Variants in NFYA observed in about 807,000 individuals in gnomAD.
The protein encoded by NFYA is CAAT-box DNA binding protein subunit A.
NFYA carries 28 observed loss-of-function variants against 52.8 expected under a neutral mutation model. The observed-to-expected ratio is 0.53, with a 90% CI of 0.39 to 0.73. The LOEUF is 0.73. Among genes scored for constraint, NFYA ranks in the 30% least tolerant of loss-of-function variants. The pLI is 0.00. For synonymous variants in NFYA, 150 were observed against 150.7 expected, an observed-to-expected ratio of 1.00 and a Z score of 0.03; for missense variants, 234 against 427.0, an observed-to-expected ratio of 0.55 and a Z score of 3.98.
chr6:41,101,469 C>T lies in NFYA; in HGVS notation c.*4059C>T, dbSNP rs911396757. On this transcript the variant is annotated 3_prime_UTR_variant, in exon 10 of 10. Coordinates refer to ENST00000341376, the MANE Select transcript of NFYA (RefSeq NM_002505.5). Reference sequence around the variant, plus strand: ...AGGACCACGCCCCGGGCTTTGAACCCGTTTTTCCCAACCCCGAGCATTTTC... The same window carrying T: ...AGGACCACGCCCCGGGCTTTGAACCTGTTTTTCCCAACCCCGAGCATTTTC... Among the ~76,000 whole-genome samples, 3 of 152,304 alleles carry T rather than the reference C, an allele frequency of 2.0e-5. No homozygotes were observed. The South Asian group carries it at 6.2e-4, about 32-fold the overall frequency.
intron 7 of NFYA, 69 bp from the exon 8 acceptor site, chr6:41,092,843 G>C (rs1413485614): frequency 1.3e-6 from 2 of 1,496,042 alleles, no homozygotes; most frequent in African/African-American, 1.4e-5. Flanking sequence ...TGGATGAAGA[G>C]GAACCAAGAA....
rs1192620353 is a variant in NFYA at position 41,101,152 on chromosome 6, G to A, written c.*3742G>A. The A allele has an allele frequency of 6.6e-6, 1 of 152,256 alleles. No individual in the cohort carries two copies. The highest frequency in any genetic ancestry group is 1.5e-5 in the Non-Finnish European group (1 of 68,060). The allele number at this position is 152,256 out of a possible 1,614,324, so 9.4% of individuals were successfully genotyped here. A position where few individuals can be genotyped will look rare whatever the true frequency, so the allele number is the denominator to read the frequency against. ...GAACCCGAGCTCGCCACGGCCCAGG[G>A]CGTCCTCCTAGGCGTCCATGTGACG... On this transcript the variant is annotated 3_prime_UTR_variant, in exon 10 of 10. Coordinates refer to ENST00000341376, the MANE Select transcript of NFYA (RefSeq NM_002505.5).
chr6:41,088,639 AG>A (rs1391260188), intron 4 of NFYA, among the ~76,000 whole-genome samples: 1 of 151,694 alleles, frequency 6.6e-6, no homozygotes, highest in Non-Finnish European at 1.5e-5. Flanking sequence ...GCTGGAATGC[AG>A]TGGTGCGGAT....
At chr6:41,083,040 G>A (rs1763950369) in intron 3 of NFYA, among the ~76,000 whole-genome samples, 1 of 152,188 alleles carries the variant, frequency 6.6e-6, no homozygotes, top group Admixed American at 6.5e-5. Context: ...CTTTCATTAA[G>A]TGTGAATATT....
intron 1 of NFYA, among the ~76,000 whole-genome samples, chr6:41,076,621 T>C (rs1466932141): frequency 6.6e-6 from 1 of 152,324 alleles, no homozygotes; most frequent in East Asian, 1.9e-4. Flanking sequence ...GAGAAGAGAA[T>C]GCACTAGGAA....
chr6:41,087,701 T>C (rs1764084501), intron 4 of NFYA, among the ~76,000 whole-genome samples: 1 of 151,676 alleles, frequency 6.6e-6, no homozygotes, highest in South Asian at 2.1e-4. Flanking sequence ...TCCTCACTGC[T>C]TTCTCTTTTG....
At chr6:41,090,599 G>T (rs1326206857) in intron 6 of NFYA, among the ~76,000 whole-genome samples, 1 of 152,150 alleles carries the variant, frequency 6.6e-6, no homozygotes, top group Non-Finnish European at 1.5e-5. Context: ...GAGTTCATTG[G>T]TAAAGAGAGA....
chr6:41,079,357 T>G (rs977235392), intron 2 of NFYA, among the ~76,000 whole-genome samples, 193 bp downstream of exon 2: 5 of 152,226 alleles, frequency 3.3e-5, no homozygotes, highest in Admixed American at 6.5e-5. Context: ...GGGTGCCTGG[T>G]TATAGTAAAT....
chr6:41,080,800 C>T lies in NFYA; in HGVS notation c.76-11C>T. 6.2e-7 allele frequency: 1 copy of T among 1,610,062 alleles called. No individual in the cohort carries two copies. The highest frequency in any genetic ancestry group is 8.5e-7 in the Non-Finnish European group (1 of 1,176,458). ...TGACATATTTCAAGCTCTTCCTGTTCCTGTTCTCAGCAGCAGGGTGGTGTC... is the reference window on the plus strand; with the variant it reads ...TGACATATTTCAAGCTCTTCCTGTTTCTGTTCTCAGCAGCAGGGTGGTGTC... On this transcript the variant is annotated splice_polypyrimidine_tract_variant and intron_variant, in intron 2 of 9. Transcript: ENST00000341376.
intron 5 of NFYA, 131 bp downstream of exon 5, chr6:41,089,841 C>G: frequency 7.7e-7 from 1 of 1,297,782 alleles, no homozygotes; most frequent in Non-Finnish European, 1.0e-6. Context: ...TATTTTTGGC[C>G]GGGCGCGGTG....
In NFYA at chr6:41,092,880, C is replaced by T. The variant is rs751702828; in HGVS notation, c.715-32C>T. On this transcript the variant is annotated intron_variant, in intron 7 of 9. Coordinates refer to ENST00000341376, the MANE Select transcript of NFYA (RefSeq NM_002505.5). Reference sequence around the variant, plus strand: ...CTGTTTCTATGTCCATACTTCATGCCACCAATAAGCTCTGGTTTCCTGTTC... The same window carrying T: ...CTGTTTCTATGTCCATACTTCATGCTACCAATAAGCTCTGGTTTCCTGTTC... The T allele has an allele frequency of 1.9e-6, 3 of 1,588,982 alleles. No homozygotes were observed. In the East Asian group the frequency reaches 6.7e-5, roughly 36 times the overall value.
intron 6 of NFYA, among the ~76,000 whole-genome samples, chr6:41,091,229 G>A (rs9296354): frequency 0.22 from 33,656 of 152,118 alleles, 5,396 homozygotes; most frequent in African/African-American, 0.45. Context: ...AGGTATAGCT[G>A]TAGTCAGACT....
At chr6:41,095,323 C>A (rs1764317749) in intron 9 of NFYA, among the ~76,000 whole-genome samples, 2 of 152,184 alleles carry the variant, frequency 1.3e-5, no homozygotes, top group Non-Finnish European at 2.9e-5. Flanking sequence ...CTACTTCCTG[C>A]CACGGGTCTT....
chr6:41,092,552 T>C (rs528387795), intron 7 of NFYA, among the ~76,000 whole-genome samples: 63 of 152,346 alleles, frequency 4.1e-4, no homozygotes, highest in African/African-American at 1.4e-3. Context: ...TTTATAAATA[T>C]AGGCATTTAG....
chr6:41,097,310 G>C (rs376622621), intron 9 of NFYA, 47 bp from the exon 10 acceptor site: 10 of 1,588,364 alleles, frequency 6.3e-6, no homozygotes, highest in Non-Finnish European at 6.0e-6. Flanking sequence ...ATGAGTTCCT[G>C]TTGCTTTTGC....
At chr6:41,088,045 A>T (rs916309031) in intron 4 of NFYA, among the ~76,000 whole-genome samples, 2 of 152,242 alleles carry the variant, frequency 1.3e-5, no homozygotes, top group Admixed American at 1.3e-4. Context: ...TTGGAAACTA[A>T]TAGGAGGAAT....
At position 41,093,157 on chromosome 6, in the gene NFYA, T is replaced by C. The variant is rs931925807; in HGVS notation, c.888+72T>C. Reference sequence around the variant, plus strand: ...TCTACTTTTGAAATTATCTTTTATATGGCTTGTTTTCTCACGTACCTTCCA... The same window carrying C: ...TCTACTTTTGAAATTATCTTTTATACGGCTTGTTTTCTCACGTACCTTCCA... On this transcript the variant is annotated intron_variant, in intron 8 of 9. Coordinates refer to ENST00000341376, the MANE Select transcript of NFYA (RefSeq NM_002505.5). 3 of 1,390,526 alleles carry C rather than the reference T, an allele frequency of 2.2e-6. No homozygotes were observed. In the African/African-American group the frequency reaches 4.3e-5, roughly 20 times the overall value. 86.1% of individuals were successfully genotyped at this position (1,390,526 alleles called of 1,614,324 possible). A position where few individuals can be genotyped will look rare whatever the true frequency, so the allele number is the denominator to read the frequency against.
chr6:41,088,925 C>T (rs780183380), intron 4 of NFYA, among the ~76,000 whole-genome samples: 36 of 152,116 alleles, frequency 2.4e-4, no homozygotes, highest in Non-Finnish European at 4.7e-4. Context: ...TAAAAAAGTA[C>T]TTCATCATTC....
intron 9 of NFYA, among the ~76,000 whole-genome samples, chr6:41,095,009 C>T (rs537880282): frequency 6.6e-6 from 1 of 152,292 alleles, no homozygotes; most frequent in African/African-American, 2.4e-5. Flanking sequence ...TGAGCCTGGT[C>T]TAATCCTCTC....
Sources: allele counts gnomAD v4.1 joint callset (sites outside exome capture counted in the v4.1 genomes callset), GRCh38; gene constraint gnomAD v4.1.1; transcripts MANE v1.5; gene names NCBI Gene and HGNC (gene_info 2026-07-23, HGNC 2026-07-21).